The following SPRED1 variants were observed in gnomAD, a reference collection of about 807,000 sequenced individuals.
SPRED1 encodes the protein sprouty-related, EVH1 domain-containing protein 1.
SPRED1 carries 18 observed loss-of-function variants against 52.3 expected under a neutral mutation model. The observed-to-expected ratio is 0.34, with a 90% CI of 0.24 to 0.51. The LOEUF (loss-of-function observed/expected upper bound fraction) is 0.51, where lower values mean the gene tolerates loss of function less well. Among genes scored for constraint, SPRED1 ranks in the 20% least tolerant of loss-of-function variants. The pLI, the probability that SPRED1 is intolerant of heterozygous loss-of-function variation, is 0.97. For synonymous variants in SPRED1, 155 were observed against 179.7 expected, an observed-to-expected ratio of 0.86 and a Z score of 1.10; for missense variants, 485 against 551.0, an observed-to-expected ratio of 0.88 and a Z score of 1.20.
At chr15:38,317,905 TTG>T (rs1370484872) in intron 2 of SPRED1, among the ~76,000 whole-genome samples, 1 of 151,754 alleles carries the variant, frequency 6.6e-6, no homozygotes, top group Non-Finnish European at 1.5e-5. Flanking sequence ...GTACTATACA[TTG>T]TGTTTAGTAT....
At chr15:38,336,451 T>TTA (rs1566871780) in intron 4 of SPRED1, among the ~76,000 whole-genome samples, 3 of 136,950 alleles carry the variant, frequency 2.2e-5, no homozygotes, top group Non-Finnish European at 1.6e-5. Context: ...TATATATATG[T>TTA]TATATATATA....
intron 4 of SPRED1, among the ~76,000 whole-genome samples, chr15:38,331,004 G>C (rs1895795721): frequency 6.6e-6 from 1 of 152,022 alleles, no homozygotes; most frequent in African/African-American, 2.4e-5. Context: ...CTTATGTTCT[G>C]ATCAAGAGCT....
In SPRED1 at chr15:38,351,913, A is replaced by G. The variant is rs1006156390; in HGVS notation, c.*249A>G. ...AAACCATTTCTGGTTATTTGGCTATAAAAAGTCAGCATAAAATATGATCCA... is the reference window on the plus strand; with the variant it reads ...AAACCATTTCTGGTTATTTGGCTATGAAAAGTCAGCATAAAATATGATCCA... On this transcript the variant is annotated 3_prime_UTR_variant, in exon 7 of 7. Transcript: ENST00000299084. 1 of 574,138 alleles carries G rather than the reference A, an allele frequency of 1.7e-6. No individual in the cohort carries two copies. Among genetic ancestry groups the G allele is most frequent in the African/African-American group, 1.9e-5 (1 of 53,280 alleles). 35.6% of individuals were successfully genotyped at this position (574,138 alleles called of 1,614,324 possible). A position where few individuals can be genotyped will look rare whatever the true frequency, so the allele number is the denominator to read the frequency against.
intron 4 of SPRED1, among the ~76,000 whole-genome samples, chr15:38,328,439 A>G (rs920383492): frequency 3.3e-5 from 5 of 152,170 alleles, no homozygotes; most frequent in Non-Finnish European, 5.9e-5. Context: ...GTCTTCATCA[A>G]TTATCATAAG....
At chr15:38,318,843 T>G (rs1895543133) in intron 2 of SPRED1, among the ~76,000 whole-genome samples, 1 of 152,178 alleles carries the variant, frequency 6.6e-6, no homozygotes, top group South Asian at 2.1e-4. Flanking sequence ...CTTTATTTAA[T>G]CCACCATTGA....
chr15:38,342,221 T>C (rs1425698445), intron 5 of SPRED1, among the ~76,000 whole-genome samples: 1 of 152,022 alleles, frequency 6.6e-6, no homozygotes, highest in Non-Finnish European at 1.5e-5. Flanking sequence ...CTTTATTAGC[T>C]AATTAGTAAT....
At position 38,339,896 on chromosome 15, in the gene SPRED1, G is replaced by T. The variant is rs1595756946; in HGVS notation, c.582+1G>T. 7 of 1,613,650 alleles carry T rather than the reference G, an allele frequency of 4.3e-6. No individual in the cohort carries two copies. The highest frequency in any genetic ancestry group is 1.3e-5 in the African/African-American group (1 of 74,900). ...CTACATGCAAAGCCAAGCCAATCAG[G>T]TAAGAAGATAAAATATTTTTTCGGC... On this transcript the variant is annotated splice_donor_variant, in intron 5 of 6. Transcript: ENST00000299084. LOFTEE classifies it high-confidence loss of function.
At chr15:38,280,472 C>A (rs931446398) in intron 1 of SPRED1, among the ~76,000 whole-genome samples, 1 of 152,014 alleles carries the variant, frequency 6.6e-6, no homozygotes, top group Non-Finnish European at 1.5e-5. Flanking sequence ...TTATCTATAT[C>A]CTTATCCAGA....
At chr15:38,297,968 A>G (rs886465448) in intron 1 of SPRED1, among the ~76,000 whole-genome samples, 3 of 152,192 alleles carry the variant, frequency 2.0e-5, no homozygotes, top group African/African-American at 7.2e-5. Context: ...TGCAACTTTA[A>G]AAGTATATTC....
At position 38,290,121 on chromosome 15, in the gene SPRED1, C is replaced by T. The variant is rs190914679; in HGVS notation, c.33-9252C>T. Among the ~76,000 whole-genome samples, 5 of 152,248 alleles carry T rather than the reference C, an allele frequency of 3.3e-5. No homozygotes were observed. The East Asian group carries it at 7.7e-4, about 23-fold the overall frequency. On this transcript the variant is annotated intron_variant, in intron 1 of 6. Coordinates refer to ENST00000299084, the MANE Select transcript of SPRED1 (RefSeq NM_152594.3). ...AAGTTTTTCATATTTTACTCTAATGCTTTTATCTCATCATGAACTCTCATA... is the reference window on the plus strand; with the variant it reads ...AAGTTTTTCATATTTTACTCTAATGTTTTTATCTCATCATGAACTCTCATA...
intron 3 of SPRED1, 33 bp from the exon 4 acceptor site, chr15:38,324,730 C>T (rs1895675349): frequency 1.3e-6 from 2 of 1,549,988 alleles, no homozygotes; most frequent in African/African-American, 2.7e-5. Flanking sequence ...GACAAAAATT[C>T]TATACTTAAT....
In SPRED1 at chr15:38,354,692, TGCTGAAA is replaced by T. The variant is rs553420659; in HGVS notation, c.*3030_*3036del. 201 of 152,348 alleles carry T rather than the reference TGCTGAAA, an allele frequency of 1.3e-3. No homozygotes were observed. Among genetic ancestry groups the T allele is most frequent in the African/African-American group, 4.7e-3 (197 of 41,592 alleles). The allele number at this position is 152,348 out of a possible 1,614,324, so 9.4% of individuals were successfully genotyped here. ...ATTTACCTAATGTGTCTTGTTGGCT[TGCTGAAA>T]GATTTTAAGCACTTTTTTCTTACAT... On this transcript the variant is annotated 3_prime_UTR_variant, in exon 7 of 7. Coordinates refer to ENST00000299084, the MANE Select transcript of SPRED1 (RefSeq NM_152594.3).
chr15:38,351,311 G>A lies in SPRED1; in HGVS notation c.982G>A (p.Glu328Lys), dbSNP rs1352455265. ...AATTAAGAAGTCAAAACGAAGAAAA[G>A]AGGATGGTGAACGTTCTCGCTGCGT... The part of the protein sequence containing the change: ...LKIKKSKRRK[E>K]DGERSRCVYC... The change falls in exon 7 of 7, where the codon GAG becomes AAG. Residue 328 changes from glutamate (E) to lysine (K), a missense_variant. Physicochemically the swap from Glu to Lys is moderately conservative, Grantham distance 56. Around this residue, in one of 5 missense-constraint regions of SPRED1, gnomAD observed 205 missense variants for 245.2 expected, o/e 0.84. Transcript: ENST00000299084. 3.1e-6 allele frequency: 5 copies of A among 1,614,152 alleles called. No homozygotes were observed. In the Admixed American group the frequency reaches 6.7e-5, roughly 22 times the overall value.
At chr15:38,302,851 C>T (rs1279008439) in intron 2 of SPRED1, among the ~76,000 whole-genome samples, 2 of 152,046 alleles carry the variant, frequency 1.3e-5, no homozygotes, top group African/African-American at 2.4e-5. Flanking sequence ...ATGGAATGAT[C>T]GTTGTTAAGG....
rs1325841398 is a variant in SPRED1 at position 38,351,004 on chromosome 15, T to G, written c.685-10T>G. On this transcript the variant is annotated splice_polypyrimidine_tract_variant and intron_variant, in intron 6 of 6. Transcript: ENST00000299084. The stretch of plus-strand genomic sequence containing the variant: ...GCCCTCATTGCAGTTTTTATCTGTT[T>G]CTTTTTTAGGTCCCTTTGAAATCAA... 7 of 1,610,712 alleles carry G rather than the reference T, an allele frequency of 4.3e-6. No individual in the cohort carries two copies. In the African/African-American group the frequency reaches 9.3e-5, roughly 22 times the overall value.
Position 38,317,673 on chromosome 15 carries a change from G to A in SPRED1, c.208-4568G>A, listed in dbSNP as rs180674267. 2.6e-5 allele frequency among the ~76,000 whole-genome samples: 4 copies of A among 152,058 alleles called. No individual in the cohort carries two copies. The South Asian group carries it at 6.2e-4, about 24-fold the overall frequency. Reference sequence around the variant, plus strand: ...ATAGTTGAGAAGGGACGTGAAAATAGCCAGCAGAATTCAGTAATTTTAAGA... The same window carrying A: ...ATAGTTGAGAAGGGACGTGAAAATAACCAGCAGAATTCAGTAATTTTAAGA... On this transcript the variant is annotated intron_variant, in intron 2 of 6. Coordinates refer to ENST00000299084, the MANE Select transcript of SPRED1 (RefSeq NM_152594.3).
intron 5 of SPRED1, among the ~76,000 whole-genome samples, chr15:38,349,160 C>T (rs990776714): frequency 6.6e-6 from 1 of 151,954 alleles, no homozygotes; most frequent in African/African-American, 2.4e-5. Flanking sequence ...TTTGTTTATC[C>T]GTTCATTAGT....
chr15:38,316,909 G>A (rs998790632), intron 2 of SPRED1, among the ~76,000 whole-genome samples: 6 of 151,322 alleles, frequency 4.0e-5, no homozygotes, highest in Middle Eastern at 3.2e-3. Context: ...AGGGTTATTC[G>A]TGTCATATTA....
chr15:38,253,199 C>G lies in SPRED1; in HGVS notation c.14C>G (p.Thr5Arg), dbSNP rs2140943407. The part of the protein sequence containing the change: MSEE[T>R]ATSDNDNSYA... ...GGTGAGGGAAAGATGAGCGAGGAGA[C>G]GGCGACTTCTGACAACGAGTAAGCG... The change falls in exon 1 of 7, where the codon ACG becomes AGG. Residue 5 changes from threonine to arginine, a missense_variant. Thr to Arg is a moderately conservative substitution (Grantham distance 71). This residue lies in a region of SPRED1 where 34 missense variants were observed against 25.8 expected (regional missense o/e 1.32). Transcript: ENST00000299084. 1 of 1,580,824 alleles carries G rather than the reference C, an allele frequency of 6.3e-7. No individual in the cohort carries two copies. Among genetic ancestry groups the G allele is most frequent in the South Asian group, 1.2e-5 (1 of 86,526 alleles).
Sources: allele counts gnomAD v4.1 joint callset (sites outside exome capture counted in the v4.1 genomes callset), GRCh38; gene constraint gnomAD v4.1.1; regional missense constraint gnomAD v4.1.1; transcripts MANE v1.5; gene names NCBI Gene and HGNC (gene_info 2026-07-23, HGNC 2026-07-21).